Variants in CTDSPL2 observed in about 807,000 individuals in gnomAD.
CTDSPL2 encodes CTD small phosphatase-like protein 2.
A neutral mutation model predicts 60.0 loss-of-function variants in CTDSPL2; 5 were observed. The observed-to-expected ratio is 0.08, with a 90% confidence interval of 0.04 to 0.18. The LOEUF (loss-of-function observed/expected upper bound fraction) is 0.18. Among genes scored for constraint, CTDSPL2 ranks in the 10% least tolerant of loss-of-function variants. The pLI is 1.00. For missense variants in CTDSPL2, 370 were observed against 548.8 expected, an observed-to-expected ratio of 0.67 and a Z score of 3.26; for synonymous variants, 186 against 189.3, an observed-to-expected ratio of 0.98 and a Z score of 0.14.
chr15:44,470,097 C>CA (rs886463524), intron 2 of CTDSPL2, among the ~76,000 whole-genome samples: 2,305 of 51,004 alleles, frequency 0.045, 63 homozygotes, highest in East Asian at 0.082. Flanking sequence ...GACTCTGTCT[C>CA]AAAAAAAAAA....
At chr15:44,523,388 C>CTACATACATACA (rs61461067) in intron 12 of CTDSPL2, among the ~76,000 whole-genome samples, 106 of 145,114 alleles carry the variant, frequency 7.3e-4, no homozygotes, top group East Asian at 2.9e-3. Flanking sequence ...GACCTCATCT[C>CTACATACATACA]TACATACATA....
At chr15:44,506,122 C>T (rs543974065) in intron 8 of CTDSPL2, among the ~76,000 whole-genome samples, 2 of 150,602 alleles carry the variant, frequency 1.3e-5, no homozygotes, top group East Asian at 4.0e-4. Flanking sequence ...CTCTGCCTCC[C>T]AGGTTCAAGA....
intron 5 of CTDSPL2, 47 bp from the exon 6 acceptor site, chr15:44,496,333 G>A: frequency 8.4e-7 from 1 of 1,191,914 alleles, no homozygotes; most frequent in South Asian, 1.3e-5. Context: ...TATATTTCAT[G>A]AAGCATTAAG....
chr15:44,453,723 A>G (rs1272320797), intron 1 of CTDSPL2, among the ~76,000 whole-genome samples: 2 of 151,868 alleles, frequency 1.3e-5, no homozygotes, highest in Non-Finnish European at 1.5e-5. Context: ...ATGGTTTCCA[A>G]TTTCATCCAT....
chr15:44,443,525 C>T lies in CTDSPL2; in HGVS notation c.-24-15466C>T, dbSNP rs539753958. Among the ~76,000 whole-genome samples the T allele has an allele frequency of 1.1e-4, 16 of 152,240 alleles. No homozygotes were observed. In the East Asian group the frequency reaches 2.1e-3, roughly 20 times the overall value. On this transcript the variant is annotated intron_variant, in intron 1 of 12. Coordinates refer to ENST00000260327, the MANE Select transcript of CTDSPL2 (RefSeq NM_016396.3). ...CTATTTTACATTCTCTACAGTAAAG[C>T]GCAAGGATTCTAATTTCTCCACATT...
chr15:44,444,979 C>G (rs1357983521), intron 1 of CTDSPL2, among the ~76,000 whole-genome samples: 1 of 149,502 alleles, frequency 6.7e-6, no homozygotes, highest in Non-Finnish European at 1.5e-5. Context: ...TCCCGAGTAG[C>G]TGGGACTACA....
chr15:44,489,975 C>T (rs1356039653), intron 4 of CTDSPL2, among the ~76,000 whole-genome samples: 3 of 152,006 alleles, frequency 2.0e-5, no homozygotes, highest in African/African-American at 7.2e-5. Context: ...GGAAGGGTAT[C>T]AGAAAAACCT....
intron 1 of CTDSPL2, among the ~76,000 whole-genome samples, chr15:44,442,078 ACTTTTGTCAT>A (rs2080100132): frequency 6.6e-6 from 1 of 151,946 alleles, no homozygotes; most frequent in South Asian, 2.1e-4. Context: ...CTCCTCTGTA[ACTTTTGTCAT>A]CTTTTCCCAG....
chr15:44,466,695 A>G (rs1401854109), intron 2 of CTDSPL2, among the ~76,000 whole-genome samples: 1 of 152,002 alleles, frequency 6.6e-6, no homozygotes, highest in East Asian at 1.9e-4. Context: ...CTATAATCCC[A>G]GCACTTTGGG....
intron 8 of CTDSPL2, among the ~76,000 whole-genome samples, chr15:44,506,155 G>A (rs996484530): frequency 1.1e-4 from 17 of 148,988 alleles, no homozygotes; most frequent in South Asian, 2.1e-4. Flanking sequence ...TCAGCCTCCC[G>A]AATAACTAGG....
chr15:44,440,343 G>A (rs147312578), intron 1 of CTDSPL2, among the ~76,000 whole-genome samples: 39 of 151,666 alleles, frequency 2.6e-4, no homozygotes, highest in South Asian at 8.3e-4. Flanking sequence ...TTACAGGTGC[G>A]CACCACCATG....
intron 8 of CTDSPL2, among the ~76,000 whole-genome samples, chr15:44,509,528 C>A (rs1235779449): frequency 6.6e-6 from 1 of 151,956 alleles, no homozygotes; most frequent in Non-Finnish European, 1.5e-5. Flanking sequence ...TTTTAAAAAT[C>A]CAGCTATGTT....
chr15:44,490,385 C>T (rs2140803643), intron 4 of CTDSPL2, among the ~76,000 whole-genome samples: 1 of 152,322 alleles, frequency 6.6e-6, no homozygotes, highest in Admixed American at 6.5e-5. Context: ...CTTGCCTCAG[C>T]CTCCCAAAGT....
At chr15:44,456,635 T>C (rs1437857277) in intron 1 of CTDSPL2, among the ~76,000 whole-genome samples, 1 of 152,098 alleles carries the variant, frequency 6.6e-6, no homozygotes, top group African/African-American at 2.4e-5. Flanking sequence ...TCTTCTCTCT[T>C]TTCTTATTAG....
intron 1 of CTDSPL2, among the ~76,000 whole-genome samples, chr15:44,444,409 A>T (rs1330738841): frequency 6.6e-6 from 1 of 150,726 alleles, no homozygotes; most frequent in Non-Finnish European, 1.5e-5. Flanking sequence ...CAGTGGTGCA[A>T]TCTCAGCTCA....
At chr15:44,460,946 T>C (rs999069730) in intron 2 of CTDSPL2, among the ~76,000 whole-genome samples, 3 of 151,958 alleles carry the variant, frequency 2.0e-5, no homozygotes, top group African/African-American at 7.3e-5. Context: ...TGAGCAGCTT[T>C]AGTTGTCATA....
intron 2 of CTDSPL2, among the ~76,000 whole-genome samples, chr15:44,479,077 C>CAAAAA (rs528316321): frequency 7.3e-6 from 1 of 137,576 alleles, no homozygotes. Context: ...AACAAACAAA[C>CAAAAA]AAAAAAAAAA....
intron 2 of CTDSPL2, among the ~76,000 whole-genome samples, chr15:44,473,012 A>G (rs1351925879): frequency 6.6e-6 from 1 of 151,940 alleles, no homozygotes; most frequent in East Asian, 1.9e-4. Flanking sequence ...GCCCAGGCTG[A>G]TATCAAACTC....
intron 2 of CTDSPL2, among the ~76,000 whole-genome samples, chr15:44,459,519 C>G (rs1159896215): frequency 6.6e-6 from 1 of 151,964 alleles, no homozygotes; most frequent in Non-Finnish European, 1.5e-5. Context: ...CAGCGGGACT[C>G]CGTCTCAAAA....
Sources: gnomAD v4.1 joint callset for allele counts (sites outside exome capture counted in the v4.1 genomes callset) on GRCh38, gnomAD v4.1.1 for gene constraint, MANE v1.5 for transcripts, NCBI Gene and HGNC (gene_info 2026-07-23, HGNC 2026-07-21) for gene names.